CNOT2: variants seen among roughly 807,000 people sequenced by gnomAD.
CNOT2 encodes CCR4-NOT transcription complex subunit 2, also known as CC chemokine receptor 4-negative regulator of transcription 2.
A neutral mutation model predicts 72.1 loss-of-function variants in CNOT2; 7 were observed. That is an observed-to-expected ratio of 0.10 (90% confidence interval 0.06 to 0.18). The LOEUF is 0.18. Ranked by LOEUF, CNOT2 falls within the 10% of genes least tolerant of loss-of-function variation. CNOT2 has a pLI of 1.00. For synonymous variants in CNOT2, 196 were observed against 225.6 expected (o/e 0.87, Z 1.17); for missense variants, 345 against 660.3 (o/e 0.52, Z 5.23).
chr12:70,297,655 T>C (rs558655490), intron 2 of CNOT2: 1 of 240,502 alleles, frequency 4.2e-6, no homozygotes, highest in African/African-American at 2.4e-5. Flanking sequence ...AAAATGTTAG[T>C]TCTTTGGGAA....
At chr12:70,256,674 C>T (rs1958462722) in intron 1 of CNOT2, among the ~76,000 whole-genome samples, 1 of 150,952 alleles carries the variant, frequency 6.6e-6, no homozygotes. Flanking sequence ...AAATCACTTC[C>T]AAGCCTATAA....
At chr12:70,308,563 C>CTT in intron 2 of CNOT2, among the ~76,000 whole-genome samples, 1 of 138,534 alleles carries the variant, frequency 7.2e-6, no homozygotes, top group African/African-American at 2.9e-5. Context: ...TTTTCTCTCT[C>CTT]TCTCTCTCTC....
At position 70,354,291 on chromosome 12, in the gene CNOT2, T is replaced by G. The variant is rs1340288638; in HGVS notation, c.*376T>G. Reference sequence around the variant, plus strand: ...AGACTCAAGAAAATTAGACCACAAATTTTGCATTGTTCATTGTAGCACTAT... The same window carrying G: ...AGACTCAAGAAAATTAGACCACAAAGTTTGCATTGTTCATTGTAGCACTAT... On this transcript the variant is annotated 3_prime_UTR_variant, in exon 16 of 16. Transcript: ENST00000229195. The G allele has an allele frequency of 2.0e-5, 4 of 196,526 alleles. No individual in the cohort carries two copies. The highest frequency in any genetic ancestry group is 9.3e-5 in the African/African-American group (4 of 43,068). 12.2% of individuals were successfully genotyped at this position (196,526 alleles called of 1,614,324 possible).
intron 13 of CNOT2, among the ~76,000 whole-genome samples, chr12:70,343,567 T>C (rs968190580): frequency 2.1e-4 from 32 of 152,230 alleles, no homozygotes; most frequent in African/African-American, 7.7e-4. Flanking sequence ...TTGTGAATCA[T>C]TCACTGTCAG....
intron 6 of CNOT2, 99 bp from the exon 7 acceptor site, chr12:70,332,668 G>A: frequency 7.3e-7 from 1 of 1,365,092 alleles, no homozygotes; most frequent in Non-Finnish European, 9.5e-7. Flanking sequence ...GAAACATATT[G>A]TTATTTTATA....
At chr12:70,325,827 C>A (rs577223474) in intron 4 of CNOT2, among the ~76,000 whole-genome samples, 14 of 151,924 alleles carry the variant, frequency 9.2e-5, no homozygotes, top group African/African-American at 3.4e-4. Flanking sequence ...AAGGACTACT[C>A]TCTCCTGCCC....
At chr12:70,295,866 G>A (rs931545940) in intron 2 of CNOT2, among the ~76,000 whole-genome samples, 4 of 151,994 alleles carry the variant, frequency 2.6e-5, no homozygotes, top group African/African-American at 9.7e-5. Context: ...AAGCATATTG[G>A]TGCAGCACAT....
intron 4 of CNOT2, among the ~76,000 whole-genome samples, chr12:70,320,509 A>C (rs1878116053): frequency 6.6e-6 from 1 of 151,730 alleles, no homozygotes; most frequent in Admixed American, 6.6e-5. Flanking sequence ...CAGTTTCTCC[A>C]ATTAAACCAA....
At chr12:70,262,334 C>T (rs149136507) in intron 1 of CNOT2, among the ~76,000 whole-genome samples, 4,499 of 151,744 alleles carry the variant, frequency 0.03, 209 homozygotes, top group African/African-American at 0.1. Flanking sequence ...AGTGCAATGG[C>T]GCAATCTCGG....
intron 3 of CNOT2, among the ~76,000 whole-genome samples, chr12:70,316,202 T>C (rs1393920650): frequency 2.6e-5 from 4 of 152,198 alleles, no homozygotes; most frequent in African/African-American, 9.6e-5. Context: ...TTTTTACTTG[T>C]GCTGCATCCC....
chr12:70,331,784 T>A (rs1156445710), intron 6 of CNOT2: 2 of 151,784 alleles, frequency 1.3e-5, no homozygotes. Flanking sequence ...GTTTATAGAT[T>A]TAGTCAAAAC....
intron 3 of CNOT2, among the ~76,000 whole-genome samples, chr12:70,317,805 G>A (rs1350807438): frequency 1.3e-5 from 2 of 151,408 alleles, no homozygotes; most frequent in African/African-American, 2.4e-5. Context: ...CATGAAAATA[G>A]TATGAAATGT....
intron 6 of CNOT2, chr12:70,332,538 T>G: frequency 3.5e-6 from 2 of 568,038 alleles, no homozygotes; most frequent in South Asian, 7.5e-5. Flanking sequence ...TTTGAGTTTT[T>G]GTTTTTTAAC....
At chr12:70,264,964 T>A (rs1280300735) in intron 1 of CNOT2, among the ~76,000 whole-genome samples, 1 of 152,160 alleles carries the variant, frequency 6.6e-6, no homozygotes, top group Non-Finnish European at 1.5e-5. Flanking sequence ...TTTTGACAAT[T>A]AAGTCAGTCT....
intron 1 of CNOT2, among the ~76,000 whole-genome samples, chr12:70,263,267 C>T (rs1958864047): frequency 1.3e-5 from 2 of 152,108 alleles, no homozygotes. Flanking sequence ...GGTTATCAGC[C>T]ATTATTTCCT....
At chr12:70,251,613 G>A (rs1313934730) in intron 1 of CNOT2, among the ~76,000 whole-genome samples, 1 of 152,142 alleles carries the variant, frequency 6.6e-6, no homozygotes, top group Non-Finnish European at 1.5e-5. Context: ...TTCCACAGTC[G>A]ATTTACAATT....
chr12:70,278,012 A>T (rs1332170818), intron 1 of CNOT2, 120 bp from the exon 2 acceptor site: 2 of 441,444 alleles, frequency 4.5e-6, no homozygotes, highest in African/African-American at 4.0e-5. Context: ...GAGGAAGACT[A>T]GAGTATAGAA....
intron 1 of CNOT2, chr12:70,244,279 C>G (rs1957762663): frequency 1.3e-5 from 2 of 152,196 alleles, no homozygotes; most frequent in South Asian, 2.1e-4. Context: ...AGTTGCAAGT[C>G]CTGGGTTTCT....
intron 3 of CNOT2, 152 bp downstream of exon 3, chr12:70,311,169 G>A: frequency 1.9e-6 from 1 of 520,680 alleles, no homozygotes; most frequent in Non-Finnish European, 3.4e-6. Context: ...TATCCTTTTG[G>A]GATACAAAGA....
Sources: allele counts gnomAD v4.1 joint callset (sites outside exome capture counted in the v4.1 genomes callset), GRCh38; gene constraint gnomAD v4.1.1; transcripts MANE v1.5; gene names NCBI Gene and HGNC (gene_info 2026-07-23, HGNC 2026-07-21).